GFPT2: variants seen among roughly 807,000 people sequenced by gnomAD.
GFPT2 encodes glutamine--fructose-6-phosphate transaminase 2.
Under a neutral mutation model 85.6 loss-of-function variants are expected in GFPT2, and 62 were observed. The observed-to-expected ratio is 0.72, with a 90% CI of 0.59 to 0.90. The LOEUF (loss-of-function observed/expected upper bound fraction) is 0.90. Among genes scored for constraint, GFPT2 ranks in the 40% least tolerant of loss-of-function variants. GFPT2 has a pLI of 0.00. For missense variants in GFPT2, 788 were observed against 893.4 expected (o/e 0.88, Z 1.50); for synonymous variants, 368 against 344.5 (o/e 1.07, Z -0.75).
chr5:180,325,994 C>T (rs1158224366), intron 7 of GFPT2, among the ~76,000 whole-genome samples: 1 of 152,070 alleles, frequency 6.6e-6, no homozygotes, highest in East Asian at 1.9e-4. Context: ...CACTGCACTC[C>T]AGCTTGGGCG....
Position 180,338,557 on chromosome 5 carries a change from C to A in GFPT2, c.51G>T (p.Lys17Asn). ...CCTTGATGAGGGTTTCGAAGATCTC[C>A]TTCCTCGTCCGGGGGACTCTGTAGT... ...YMNYRVPRTRKEIFETLIKGL... is the reference protein window; with the variant it reads ...YMNYRVPRTRNEIFETLIKGL... The change falls in exon 2 of 19, where the codon AAG becomes AAT. Residue 17 changes from lysine (K) to asparagine (N), a missense_variant. Coordinates refer to ENST00000253778, the MANE Select transcript of GFPT2 (RefSeq NM_005110.4). The A allele has an allele frequency of 6.2e-7, 1 of 1,612,464 alleles. No homozygotes were observed. Among genetic ancestry groups the A allele is most frequent in the Non-Finnish European group, 8.5e-7 (1 of 1,178,456 alleles).
rs1053856181 is a variant in GFPT2 at position 180,328,128 on chromosome 5, C to T, written c.596+149G>A. The stretch of plus-strand genomic sequence containing the variant: ...ACCACCAGCCATGGAGATGGTGGGG[C>T]GCGGTCCCCGGGGCTGAGCCACAGT... On this transcript the variant is annotated intron_variant, in intron 7 of 18. Coordinates refer to ENST00000253778, the MANE Select transcript of GFPT2 (RefSeq NM_005110.4). The surrounding 1 kb of genome is among the most constrained non-coding windows in gnomAD (Gnocchi z 5.4). 14 of 541,018 alleles carry T rather than the reference C, an allele frequency of 2.6e-5. No individual in the cohort carries two copies. Among genetic ancestry groups the T allele is most frequent in the Admixed American group, 6.7e-5 (2 of 29,652 alleles). 33.5% of individuals were successfully genotyped at this position (541,018 alleles called of 1,614,324 possible).
At chr5:180,302,306 C>G (rs1055371578) in intron 18 of GFPT2, 117 bp downstream of exon 18, 3 of 723,090 alleles carry the variant, frequency 4.1e-6, no homozygotes, top group Non-Finnish European at 6.4e-6. Context: ...AAAAAGAAAG[C>G]TACTTTAAAT....
At chr5:180,321,299 C>T (rs962927423) in intron 9 of GFPT2, among the ~76,000 whole-genome samples, 19 of 152,110 alleles carry the variant, frequency 1.2e-4, no homozygotes, top group Non-Finnish European at 2.5e-4. Flanking sequence ...CAATGCATGA[C>T]GCATGTGTGT....
chr5:180,320,698 C>T (rs1209600926), intron 9 of GFPT2, among the ~76,000 whole-genome samples: 4 of 152,124 alleles, frequency 2.6e-5, no homozygotes, highest in South Asian at 2.1e-4. Flanking sequence ...ACCCAGGAGG[C>T]GGAGGCTGCA....
Position 180,307,201 on chromosome 5 carries a change from T to C in GFPT2, c.1649A>G (p.Tyr550Cys), listed in dbSNP as rs781768652. 6.3e-7 allele frequency: 1 copy of C among 1,599,856 alleles called. No individual in the cohort carries two copies. Among genetic ancestry groups the C allele is most frequent in the Non-Finnish European group, 8.5e-7 (1 of 1,174,010 alleles). ...SLLVMGRGYN[Y>C]ATCLEGALKI... ...CAGGGCTCCTTCCAGGCAGGTGGCA[T>C]AGTTGTAGCCCCGCCCCATCACCAG... The change falls in exon 16 of 19, where the codon TAT becomes TGT. Residue 550 changes from tyrosine to cysteine, a missense_variant. Tyr to Cys is a radical substitution (Grantham distance 194). Transcript: ENST00000253778.
intron 8 of GFPT2, 46 bp downstream of exon 8, chr5:180,324,770 G>C: frequency 7.9e-7 from 1 of 1,264,558 alleles, no homozygotes; most frequent in Non-Finnish European, 1.2e-6. Context: ...GCCGAGTCCT[G>C]CGACACCAGC....
chr5:180,318,313 G>A lies in GFPT2; in HGVS notation c.958+480C>T, dbSNP rs939584527. ...AAACCATTGGAGGGCCTTGAGCAGC[G>A]GGATGATCACAGGGGCTGATTCATG... On this transcript the variant is annotated intron_variant, in intron 10 of 18. Transcript: ENST00000253778. The surrounding 1 kb of genome is among the most constrained non-coding windows in gnomAD (Gnocchi z 4.2). Among the ~76,000 whole-genome samples, 1 of 152,086 alleles carries A rather than the reference G, an allele frequency of 6.6e-6. No homozygotes were observed. The highest frequency in any genetic ancestry group is 1.5e-5 in the Non-Finnish European group (1 of 68,008).
At chr5:180,302,676 A>C in intron 17 of GFPT2, 92 bp from the exon 18 acceptor site, 1 of 981,784 alleles carries the variant, frequency 1.0e-6, no homozygotes, top group Non-Finnish European at 1.5e-6. Flanking sequence ...CATTACTGTG[A>C]TGAGAACAGT....
rs1173823806 is a variant in GFPT2, at chr5:180,302,562, G to A, written c.1865C>T (p.Ser622Phe). 1 of 1,613,780 alleles carries A rather than the reference G, an allele frequency of 6.2e-7. No homozygotes were observed. The highest frequency in any genetic ancestry group is 8.5e-7 in the Non-Finnish European group (1 of 1,179,854). ...CTTGGAACTTTCAGTATCGTCCTTG[G>A]AGCACAGTATAATGGGGCGACCCTA... ...ARQGRPIILCSKDDTESSKFA... is the reference protein window; with the variant it reads ...ARQGRPIILCFKDDTESSKFA... Residue 622 changes from serine to phenylalanine, a missense_variant, in exon 18 of 19, where the codon TCC (serine) becomes TTC (phenylalanine). Transcript: ENST00000253778.
At position 180,312,040 on chromosome 5, in the gene GFPT2, AGGCTGAGG is replaced by A. The variant is rs1280358692; in HGVS notation, c.1546+382_1546+389del. Reference sequence around the variant, plus strand: ...GAGGCAGGGAGGCGGGGAGGTGGGGAGGCTGAGGGGCAGGGAGGCAGGGAGGCGGGGAG... The same window carrying A: ...GAGGCAGGGAGGCGGGGAGGTGGGGAGGCAGGGAGGCAGGGAGGCGGGGAG... On this transcript the variant is annotated intron_variant, in intron 15 of 18. Transcript: ENST00000253778. Among the ~76,000 whole-genome samples the A allele has an allele frequency of 3.2e-4, 19 of 58,486 alleles. 2 individuals are homozygous for A. Among genetic ancestry groups the A allele is most frequent in the Non-Finnish European group, 6.7e-5 (2 of 29,726 alleles). 38.4% of individuals were successfully genotyped at this position (58,486 alleles called of 152,430 possible).
chr5:180,305,157 G>A (rs901228799), intron 16 of GFPT2, among the ~76,000 whole-genome samples: 4 of 152,054 alleles, frequency 2.6e-5, no homozygotes, highest in Non-Finnish European at 4.4e-5. Context: ...GCACCAGCCC[G>A]GGACACAACC....
chr5:180,304,559 T>C (rs1763739596), intron 17 of GFPT2, among the ~76,000 whole-genome samples: 1 of 152,232 alleles, frequency 6.6e-6, no homozygotes, highest in South Asian at 2.1e-4. Context: ...TGTGGGTCCC[T>C]GGGCCCCACC....
chr5:180,349,891 T>G (rs57574830), intron 1 of GFPT2, among the ~76,000 whole-genome samples: 1,580 of 149,932 alleles, frequency 0.011, 23 homozygotes, highest in African/African-American at 0.036. Context: ...TTTTTTTTTT[T>G]CTCCCTCACA....
rs1425045272 is a variant in GFPT2 at position 180,338,477 on chromosome 5, G to A, written c.115+16C>T. On this transcript the variant is annotated intron_variant, in intron 2 of 18. Transcript: ENST00000253778. ...AGCCCGGTCCCCAGCCACGAGGCGG[G>A]CGGCCGCACACCCACCTGCCGAGTC... is the stretch of plus-strand genomic sequence containing the variant. The A allele has an allele frequency of 1.4e-6, 2 of 1,472,208 alleles. No homozygotes were observed. Among genetic ancestry groups the A allele is most frequent in the East Asian group, 4.5e-5 (2 of 44,008 alleles). 91.2% of individuals were successfully genotyped at this position (1,472,208 alleles called of 1,614,324 possible). A position where few individuals can be genotyped will look rare whatever the true frequency, so the allele number is the denominator to read the frequency against.
intron 1 of GFPT2, among the ~76,000 whole-genome samples, chr5:180,342,907 GA>G (rs374060475): frequency 2.7e-5 from 4 of 146,100 alleles, no homozygotes; most frequent in South Asian, 2.2e-4. Context: ...ATCTCAAAAA[GA>G]AAAAAAAAGG....
chr5:180,317,289 G>A (rs1764029178), intron 10 of GFPT2, among the ~76,000 whole-genome samples: 1 of 152,144 alleles, frequency 6.6e-6, no homozygotes, highest in Non-Finnish European at 1.5e-5. Context: ...TTTGCCCAAG[G>A]CATGCAAGTA....
Position 180,318,799 on chromosome 5 carries a change from T to G in GFPT2, c.952A>C (p.Met318Leu), listed in dbSNP as rs1366657685. ...QTLQMELQQI[M>L]KGNFSAFMQK... Reference sequence around the variant, plus strand: ...GACTCTGGAGGACACCTGCCTTTCATGATTTGCTGCAGTTCCATCTGCAAG... The same window carrying G: ...GACTCTGGAGGACACCTGCCTTTCAGGATTTGCTGCAGTTCCATCTGCAAG... Residue 318 changes from methionine to leucine, a missense_variant, in exon 10 of 19, where the codon ATG (methionine) becomes CTG (leucine). Transcript: ENST00000253778. The surrounding 1 kb of genome is among the most constrained non-coding windows in gnomAD (Gnocchi z 4.2). 1.9e-6 allele frequency: 3 copies of G among 1,613,720 alleles called. No individual in the cohort carries two copies. Among genetic ancestry groups the G allele is most frequent in the Non-Finnish European group, 2.5e-6 (3 of 1,179,822 alleles).
In GFPT2 at chr5:180,334,383, G is replaced by A. The variant is rs914125731; in HGVS notation, c.340+1445C>T. The stretch of plus-strand genomic sequence containing the variant: ...AGCAGCACCACTGCACTTTCTGTGG[G>A]TGGTGGGGGTGCCTGCCCATCCCGC... On this transcript the variant is annotated intron_variant, in intron 4 of 18. Coordinates refer to ENST00000253778, the MANE Select transcript of GFPT2 (RefSeq NM_005110.4). Among the ~76,000 whole-genome samples the A allele has an allele frequency of 3.9e-5, 6 of 152,340 alleles. No individual in the cohort carries two copies. The South Asian group carries it at 1.2e-3, about 32-fold the overall frequency.
Sources: gnomAD v4.1 joint callset for allele counts (sites outside exome capture counted in the v4.1 genomes callset) on GRCh38, gnomAD v4.1.1 for gene constraint, Gnocchi (gnomAD v3.1) non-coding constraint, MANE v1.5 for transcripts, NCBI Gene and HGNC (gene_info 2026-07-23, HGNC 2026-07-21) for gene names.